Variants in NEK10 observed in about 807,000 individuals in gnomAD.
NEK10 encodes serine/threonine-protein kinase Nek10.
In NEK10, 122 loss-of-function variants were observed where a neutral mutation model predicts 159.8. The ratio of observed to expected loss-of-function variants is 0.76; its 90% CI spans 0.66 to 0.89. NEK10 has a LOEUF of 0.89. Ranked by LOEUF, NEK10 falls within the 40% of genes least tolerant of loss-of-function variation. The pLI is 0.00. For missense variants in NEK10, 1,342 were observed against 1,323.1 expected (o/e 1.01, Z -0.22); for synonymous variants, 466 against 457.1 (o/e 1.02, Z -0.25).
At chr3:27,114,711 AC>A (rs1940122470) in intron 35 of NEK10, among the ~76,000 whole-genome samples, 2 of 152,208 alleles carry the variant, frequency 1.3e-5, no homozygotes, top group Non-Finnish European at 2.9e-5. Flanking sequence ...AATAGTGGTC[AC>A]AAAATAGCTT....
chr3:27,259,668 G>T (rs1289309727), intron 22 of NEK10, among the ~76,000 whole-genome samples: 1 of 152,130 alleles, frequency 6.6e-6, no homozygotes, highest in Non-Finnish European at 1.5e-5. Flanking sequence ...CTCCAGCTTT[G>T]TTCTTTTGGC....
At chr3:27,221,133 C>A (rs1250762349) in intron 23 of NEK10, among the ~76,000 whole-genome samples, 1 of 152,288 alleles carries the variant, frequency 6.6e-6, no homozygotes, top group Non-Finnish European at 1.5e-5. Context: ...TAGAATGACT[C>A]TTAAGCACAA....
intron 26 of NEK10, among the ~76,000 whole-genome samples, chr3:27,181,381 T>C (rs1051235587): frequency 6.6e-6 from 1 of 152,116 alleles, no homozygotes; most frequent in South Asian, 2.1e-4. Context: ...CTATATTTAC[T>C]ATTCATTAAG....
intron 23 of NEK10, among the ~76,000 whole-genome samples, chr3:27,230,649 T>C (rs1439593252): frequency 6.6e-6 from 1 of 151,532 alleles, no homozygotes; most frequent in Non-Finnish European, 1.5e-5. Context: ...AGGATTCAAA[T>C]AAACTTAAAG....
intron 26 of NEK10, among the ~76,000 whole-genome samples, chr3:27,175,208 G>A (rs2148886702): frequency 6.6e-6 from 1 of 152,222 alleles, no homozygotes; most frequent in Non-Finnish European, 1.5e-5. Context: ...CAGTACCACA[G>A]CAAATAAGTA....
intron 23 of NEK10, among the ~76,000 whole-genome samples, chr3:27,226,428 C>T (rs1007291386): frequency 1.3e-5 from 2 of 152,116 alleles, no homozygotes; most frequent in African/African-American, 4.8e-5. Context: ...TGAGGGAATT[C>T]TGGCAAAGTA....
chr3:27,354,559 G>A (rs1469264968), intron 1 of NEK10, among the ~76,000 whole-genome samples: 1 of 152,062 alleles, frequency 6.6e-6, no homozygotes, highest in African/African-American at 2.4e-5. Flanking sequence ...AAAGCTTTGA[G>A]AAGTTGGGAA....
intron 32 of NEK10, among the ~76,000 whole-genome samples, chr3:27,131,639 C>T (rs887439777): frequency 6.6e-6 from 1 of 152,088 alleles, no homozygotes. Context: ...TTAAATATTA[C>T]TTTTTCTTAG....
intron 23 of NEK10, among the ~76,000 whole-genome samples, chr3:27,225,702 T>C (rs1952565138): frequency 2.0e-5 from 3 of 152,256 alleles, no homozygotes; most frequent in South Asian, 4.1e-4. Context: ...GTAGACCCAA[T>C]CCTGCCATCT....
intron 6 of NEK10, among the ~76,000 whole-genome samples, chr3:27,320,854 C>A (rs2045571438): frequency 6.6e-6 from 1 of 152,182 alleles, no homozygotes; most frequent in Non-Finnish European, 1.5e-5. Context: ...GGCTCTGTGG[C>A]TGGTTGGTAC....
intron 35 of NEK10, among the ~76,000 whole-genome samples, chr3:27,111,758 C>T (rs1461073857): frequency 6.6e-6 from 1 of 152,038 alleles, no homozygotes; most frequent in Non-Finnish European, 1.5e-5. Context: ...TAAGTATATT[C>T]ATAAAGATTA....
intron 23 of NEK10, among the ~76,000 whole-genome samples, chr3:27,218,582 G>A (rs1371147660): frequency 7.4e-6 from 1 of 134,730 alleles, no homozygotes; most frequent in Non-Finnish European, 1.5e-5. Flanking sequence ...TCCAGCCTGG[G>A]CAACGTATCA....
At chr3:27,240,855 T>G (rs979364454) in intron 23 of NEK10, among the ~76,000 whole-genome samples, 1 of 151,538 alleles carries the variant, frequency 6.6e-6, no homozygotes, top group Non-Finnish European at 1.5e-5. Context: ...GGTTACACCA[T>G]GTTGGCCAGG....
rs555349438 is a variant in NEK10 at position 27,320,126 on chromosome 3, A to T, written c.447+2051T>A. ...AGTGCCAGGGAGGACAGACTCGGAG[A>T]TAATTCCCTTCTATGGAAAGGCTGG... On this transcript the variant is annotated intron_variant, in intron 6 of 35. Coordinates refer to ENST00000691995, the MANE Select transcript of NEK10 (RefSeq NM_001394966.1). Among the ~76,000 whole-genome samples the T allele has an allele frequency of 1.1e-4, 16 of 152,250 alleles. 1 individual carries two copies. In the South Asian group the frequency reaches 3.3e-3, roughly 32 times the overall value.
intron 32 of NEK10, among the ~76,000 whole-genome samples, chr3:27,126,028 G>C (rs971857336): frequency 2.6e-5 from 4 of 152,156 alleles, no homozygotes; most frequent in African/African-American, 4.8e-5. Flanking sequence ...GCTGGGCACT[G>C]CTGATTCACA....
chr3:27,358,170 G>A (rs930651477), intron 1 of NEK10, among the ~76,000 whole-genome samples: 14 of 152,172 alleles, frequency 9.2e-5, no homozygotes, highest in Non-Finnish European at 1.8e-4. Context: ...CCATTCTAAT[G>A]AGAAGGTGGA....
chr3:27,317,834 C>G lies in NEK10; in HGVS notation c.448-3496G>C, dbSNP rs553258375. On this transcript the variant is annotated intron_variant, in intron 6 of 35. Coordinates refer to ENST00000691995, the MANE Select transcript of NEK10 (RefSeq NM_001394966.1). The stretch of plus-strand genomic sequence containing the variant: ...TTTATTTATTTTGAGACAGAGTCTC[C>G]CTCTGTTGCCCAGGCTGGAGTGCAG... Among the ~76,000 whole-genome samples, 276 of 151,726 alleles carry G rather than the reference C, an allele frequency of 1.8e-3. 6 individuals carry two copies. The highest frequency in any genetic ancestry group is 0.013 in the Admixed American group (200 of 15,234).
intron 11 of NEK10, 39 bp from the exon 12 acceptor site, chr3:27,305,010 T>A (rs1223872114): frequency 8.2e-7 from 1 of 1,217,728 alleles, no homozygotes; most frequent in Non-Finnish European, 1.2e-6. Flanking sequence ...AATCACAGCA[T>A]CATGAGTTGA....
intron 15 of NEK10, among the ~76,000 whole-genome samples, chr3:27,294,736 G>A (rs1344991049): frequency 2.6e-5 from 4 of 151,910 alleles, no homozygotes; most frequent in Admixed American, 1.3e-4. Flanking sequence ...TGGAGACAAA[G>A]GTTGTTTCTT....
Sources: gnomAD v4.1 joint callset for allele counts (sites outside exome capture counted in the v4.1 genomes callset) on GRCh38, gnomAD v4.1.1 for gene constraint, MANE v1.5 for transcripts, NCBI Gene and HGNC (gene_info 2026-07-23, HGNC 2026-07-21) for gene names.